The following STK4 variants were observed in gnomAD, a reference collection of about 807,000 sequenced individuals.
STK4 encodes the protein serine/threonine kinase 4, also known as serine/threonine-protein kinase 4.
In STK4, 30 loss-of-function variants were observed where a neutral mutation model predicts 64.9. The ratio of observed to expected loss-of-function variants is 0.46; its 90% CI spans 0.35 to 0.63. STK4 has a LOEUF of 0.63. Ranked by LOEUF, STK4 falls within the 20% of genes least tolerant of loss-of-function variation. STK4 has a pLI of 0.01. For synonymous variants in STK4, 177 were observed against 199.0 expected (o/e 0.89, Z 0.93); for missense variants, 466 against 598.5 (o/e 0.78, Z 2.31).
chr20:45,012,270 G>A (rs1006218789), intron 9 of STK4, among the ~76,000 whole-genome samples: 2 of 152,012 alleles, frequency 1.3e-5, no homozygotes, highest in Non-Finnish European at 2.9e-5. Flanking sequence ...TCCTGACCTC[G>A]TGATCCGTCC....
At chr20:45,013,428 C>A (rs1215205030) in intron 9 of STK4, among the ~76,000 whole-genome samples, 2 of 151,944 alleles carry the variant, frequency 1.3e-5, no homozygotes, top group Admixed American at 6.6e-5. Context: ...TAGCTGTATT[C>A]CATACATTTT....
intron 10 of STK4, among the ~76,000 whole-genome samples, chr20:45,040,657 A>C (rs182687688): frequency 6.7e-6 from 1 of 150,032 alleles, no homozygotes; most frequent in African/African-American, 2.5e-5. Flanking sequence ...TAAGGAACTC[A>C]GGTTTTTAAA....
chr20:45,005,647 C>CAAA (rs1214893882), intron 9 of STK4, among the ~76,000 whole-genome samples: 63 of 65,584 alleles, frequency 9.6e-4, no homozygotes, highest in African/African-American at 3.6e-3. Flanking sequence ...GACTCTGTCT[C>CAAA]AAAAAAAAAA....
intron 2 of STK4, chr20:44,972,678 G>A (rs2067269540): frequency 6.6e-6 from 1 of 152,234 alleles, no homozygotes; most frequent in African/African-American, 2.4e-5. Flanking sequence ...AATGATATTA[G>A]TAATGTGCAG....
In STK4 at chr20:45,075,808, G is replaced by T. The variant is rs1047681241; in HGVS notation, c.*632G>T. The stretch of plus-strand genomic sequence containing the variant: ...TGTGTGGTCATCACTGGCTTCTGGA[G>T]CTATTGGTGATGTCCAAGGGAAAGC... On this transcript the variant is annotated 3_prime_UTR_variant, in exon 11 of 11. Transcript: ENST00000372806. 2.0e-5 allele frequency: 3 copies of T among 152,678 alleles called. No individual in the cohort carries two copies. Among genetic ancestry groups the T allele is most frequent in the Non-Finnish European group, 4.4e-5 (3 of 68,064 alleles). 9.5% of individuals were successfully genotyped at this position (152,678 alleles called of 1,614,324 possible). A position where few individuals can be genotyped will look rare whatever the true frequency, so the allele number is the denominator to read the frequency against.
chr20:45,061,176 G>C (rs1600558066), intron 10 of STK4, among the ~76,000 whole-genome samples: 1 of 152,256 alleles, frequency 6.6e-6, no homozygotes, highest in Admixed American at 6.5e-5. Context: ...GAATTCCATA[G>C]CAAGTCGTAA....
In STK4 at chr20:45,036,029, T is replaced by A. The variant is rs76951272; in HGVS notation, c.1305+10899T>A. On this transcript the variant is annotated intron_variant, in intron 10 of 10. Transcript: ENST00000372806. ...GGAAGAATAAGTTCAAGAGATCTATTGTACAACATGGTAACTAGTTAATAA... is the reference window on the plus strand; with the variant it reads ...GGAAGAATAAGTTCAAGAGATCTATAGTACAACATGGTAACTAGTTAATAA... 8.5e-5 allele frequency among the ~76,000 whole-genome samples: 13 copies of A among 152,344 alleles called. No homozygotes were observed. In the East Asian group the frequency reaches 2.5e-3, roughly 29 times the overall value.
At chr20:45,041,733 C>A (rs567630470) in intron 10 of STK4, among the ~76,000 whole-genome samples, 2 of 151,598 alleles carry the variant, frequency 1.3e-5, no homozygotes, top group South Asian at 4.2e-4. Context: ...CAGAGGTCTC[C>A]CTCTGCCACA....
intron 2 of STK4, among the ~76,000 whole-genome samples, chr20:44,977,215 T>C (rs1259875890): frequency 6.6e-6 from 1 of 152,252 alleles, no homozygotes; most frequent in African/African-American, 2.4e-5. Context: ...TAAGGATGAT[T>C]ATGCTAGTTT....
intron 10 of STK4, chr20:45,053,300 T>A: frequency 1.3e-6 from 1 of 771,650 alleles, no homozygotes; most frequent in South Asian, 1.7e-5. Flanking sequence ...GAGCAGGACT[T>A]AAATGCCTGC....
chr20:44,975,821 G>A (rs1465032759), intron 2 of STK4: 1 of 152,192 alleles, frequency 6.6e-6, no homozygotes, highest in Non-Finnish European at 1.5e-5. Context: ...CCTGGTTTAA[G>A]TTGTATATCC....
intron 9 of STK4, among the ~76,000 whole-genome samples, chr20:45,020,208 T>C (rs2068217840): frequency 1.3e-5 from 2 of 152,180 alleles, no homozygotes; most frequent in Admixed American, 6.5e-5. Flanking sequence ...TTAAGTGATA[T>C]AGTACATTTT....
chr20:45,035,816 C>T (rs1251953310), intron 10 of STK4, among the ~76,000 whole-genome samples: 1 of 151,462 alleles, frequency 6.6e-6, no homozygotes, highest in Non-Finnish European at 1.5e-5. Flanking sequence ...AGTCATTACG[C>T]TTAGAGAGTT....
chr20:45,062,905 C>T (rs1157366198), intron 10 of STK4, among the ~76,000 whole-genome samples: 45 of 139,376 alleles, frequency 3.2e-4, no homozygotes, highest in Non-Finnish European at 5.4e-4. Context: ...TTAGCCAGAA[C>T]GGTCTCAATC....
intron 3 of STK4, among the ~76,000 whole-genome samples, chr20:44,979,653 G>A (rs1268418361): frequency 6.6e-6 from 1 of 152,192 alleles, no homozygotes; most frequent in Non-Finnish European, 1.5e-5. Flanking sequence ...CTTAGTACCT[G>A]CTGTTTGCAA....
intron 9 of STK4, chr20:45,004,469 A>T (rs2067898724): frequency 6.6e-6 from 1 of 152,106 alleles, no homozygotes; most frequent in Non-Finnish European, 1.5e-5. Flanking sequence ...AAAAATAAAA[A>T]AAAAATAATC....
At chr20:44,969,491 C>T (rs76489820) in intron 1 of STK4, among the ~76,000 whole-genome samples, 2,440 of 148,250 alleles carry the variant, frequency 0.016, 22 homozygotes, top group Non-Finnish European at 0.019. Flanking sequence ...CCTTTGTGTT[C>T]GTGAGTTTGA....
chr20:44,966,711 G>T, intron 1 of STK4, 108 bp downstream of exon 1: 1 of 1,188,566 alleles, frequency 8.4e-7, no homozygotes. Context: ...AAGCGACCCA[G>T]CCGATGGGGC....
Position 45,075,061 on chromosome 20 carries a change from C to T in STK4, c.1349C>T (p.Ala450Val). The T allele has an allele frequency of 6.2e-7, 1 of 1,614,174 alleles. No individual in the cohort carries two copies. The highest frequency in any genetic ancestry group is 8.5e-7 in the Non-Finnish European group (1 of 1,180,022). The change falls in exon 11 of 11, where the codon GCC becomes GTC. Residue 450 changes from alanine to valine, a missense_variant. Physicochemically the swap from Ala to Val is moderately conservative, Grantham distance 64. Around this residue, in one of 2 missense-constraint regions of STK4, gnomAD observed 276 missense variants for 308.9 expected, o/e 0.89. Transcript: ENST00000372806. ...GAGGACCTTCAGAAGAGGCTCTTGG[C>T]CCTGGACCCCATGATGGAGCAGGAG... Reference protein sequence around the residue: ...TVEDLQKRLLALDPMMEQEIE... With the variant: ...TVEDLQKRLLVLDPMMEQEIE...
Sources: gnomAD v4.1 joint callset for allele counts (sites outside exome capture counted in the v4.1 genomes callset) on GRCh38, gnomAD v4.1.1 for gene constraint, gnomAD v4.1.1 regional missense constraint, MANE v1.5 for transcripts, NCBI Gene and HGNC (gene_info 2026-07-23, HGNC 2026-07-21) for gene names.